STXBP5L: variants seen among roughly 807,000 people sequenced by gnomAD.
STXBP5L encodes the protein syntaxin binding protein 5L.
STXBP5L carries 65 observed loss-of-function variants against 144.5 expected under a neutral mutation model. That is an observed-to-expected ratio of 0.45 (90% CI 0.37 to 0.55). The LOEUF is 0.55. Ranked by LOEUF, STXBP5L falls within the 20% of genes least tolerant of loss-of-function variation. The pLI, the probability that STXBP5L is intolerant of heterozygous loss-of-function variation, is 0.00. For missense variants in STXBP5L, 1,298 were observed against 1,405.5 expected, an observed-to-expected ratio of 0.92 and a Z score of 1.22; for synonymous variants, 505 against 469.6, an observed-to-expected ratio of 1.08 and a Z score of -0.97.
intron 5 of STXBP5L, among the ~76,000 whole-genome samples, chr3:121,052,009 C>T (rs1378993580): frequency 6.6e-6 from 1 of 152,196 alleles, no homozygotes; most frequent in East Asian, 1.9e-4. Flanking sequence ...TGGACACATA[C>T]ACCCTCCCAA....
chr3:121,330,924 CCATCAGAG>C (rs2108557939), intron 20 of STXBP5L, among the ~76,000 whole-genome samples: 1 of 152,324 alleles, frequency 6.6e-6, no homozygotes, highest in South Asian at 2.1e-4. Context: ...CCTGTCACCA[CCATCAGAG>C]CTGGTGCTAA....
chr3:121,266,365 C>G (rs986179798), intron 18 of STXBP5L, among the ~76,000 whole-genome samples: 7 of 151,932 alleles, frequency 4.6e-5, no homozygotes, highest in African/African-American at 9.7e-5. Context: ...TAAACAGAAC[C>G]AATGACAACC....
At chr3:121,246,957 T>A (rs1229398064) in intron 14 of STXBP5L, among the ~76,000 whole-genome samples, 1 of 152,144 alleles carries the variant, frequency 6.6e-6, no homozygotes, top group Non-Finnish European at 1.5e-5. Flanking sequence ...TGCCATGAGG[T>A]AACTTTTTGG....
At chr3:121,205,776 A>G in intron 9 of STXBP5L, 147 bp from the exon 10 acceptor site, 1 of 390,990 alleles carries the variant, frequency 2.6e-6, no homozygotes, top group East Asian at 4.3e-5. Context: ...AAATATTGGG[A>G]TTCATAGATA....
intron 5 of STXBP5L, among the ~76,000 whole-genome samples, chr3:121,065,069 GAT>G (rs2041477055): frequency 8.9e-6 from 1 of 112,780 alleles, no homozygotes; most frequent in Admixed American, 1.0e-4. Flanking sequence ...CAAAGGTTGT[GAT>G]TTTTTTTTTT....
At chr3:121,029,206 G>C (rs967916820) in intron 3 of STXBP5L, among the ~76,000 whole-genome samples, 1 of 152,090 alleles carries the variant, frequency 6.6e-6, no homozygotes, top group East Asian at 1.9e-4. Context: ...AACCAAAAAA[G>C]AGCCCATATA....
chr3:121,338,419 G>A (rs925299717), intron 20 of STXBP5L, among the ~76,000 whole-genome samples: 1 of 151,784 alleles, frequency 6.6e-6, no homozygotes, highest in African/African-American at 2.4e-5. Context: ...TGAGGCGGGT[G>A]GATCACTTGA....
At chr3:120,996,036 C>A (rs60638537) in intron 3 of STXBP5L, among the ~76,000 whole-genome samples, 2,221 of 152,158 alleles carry the variant, frequency 0.015, 57 homozygotes, top group African/African-American at 0.051. Flanking sequence ...GTAGAATACA[C>A]AATTAGCAGT....
intron 10 of STXBP5L, among the ~76,000 whole-genome samples, chr3:121,222,265 A>G (rs2048997089): frequency 6.6e-6 from 1 of 152,116 alleles, no homozygotes. Flanking sequence ...CATAATTTTC[A>G]GATAGCTATA....
intron 2 of STXBP5L, among the ~76,000 whole-genome samples, chr3:120,929,122 T>C (rs1559880773): frequency 1.3e-5 from 2 of 152,178 alleles, no homozygotes; most frequent in Non-Finnish European, 2.9e-5. Flanking sequence ...CATATTTGGC[T>C]TTCTCTAGTC....
At chr3:121,361,777 C>G (rs950284311) in intron 20 of STXBP5L, among the ~76,000 whole-genome samples, 1 of 151,902 alleles carries the variant, frequency 6.6e-6, no homozygotes, top group East Asian at 1.9e-4. Context: ...ATCTCTCTTT[C>G]TCCAGGATTG....
At chr3:121,118,855 G>A (rs1406464846) in intron 6 of STXBP5L, among the ~76,000 whole-genome samples, 5 of 151,598 alleles carry the variant, frequency 3.3e-5, no homozygotes, top group Non-Finnish European at 7.4e-5. Flanking sequence ...GCAAGAGGTT[G>A]AGTAGGTTGA....
intron 22 of STXBP5L, among the ~76,000 whole-genome samples, chr3:121,382,466 T>C (rs2046343115): frequency 6.6e-6 from 1 of 152,126 alleles, no homozygotes; most frequent in African/African-American, 2.4e-5. Context: ...TTCCTAATTA[T>C]AAAGAAATAT....
At chr3:121,154,642 T>C (rs1023074193) in intron 8 of STXBP5L, among the ~76,000 whole-genome samples, 6 of 151,748 alleles carry the variant, frequency 4.0e-5, no homozygotes, top group Non-Finnish European at 8.9e-5. Context: ...TATTATCTCT[T>C]ATTTCAAATA....
chr3:121,388,671 T>C (rs2046492214), intron 22 of STXBP5L, among the ~76,000 whole-genome samples: 1 of 152,178 alleles, frequency 6.6e-6, no homozygotes, highest in African/African-American at 2.4e-5. Flanking sequence ...TTGTCATTGG[T>C]TCTGTTTATG....
intron 2 of STXBP5L, among the ~76,000 whole-genome samples, chr3:120,949,003 G>A (rs2107678132): frequency 6.6e-6 from 1 of 151,924 alleles, no homozygotes; most frequent in East Asian, 1.9e-4. Flanking sequence ...TATAGGAGTT[G>A]TACTAGTTTA....
chr3:121,342,567 A>G (rs2044758336), intron 20 of STXBP5L, among the ~76,000 whole-genome samples: 1 of 137,446 alleles, frequency 7.3e-6, no homozygotes, highest in Non-Finnish European at 1.5e-5. Context: ...CTCATTGTTC[A>G]ATTCCACCTA....
chr3:121,148,351 A>G (rs995023616), intron 7 of STXBP5L, among the ~76,000 whole-genome samples: 1 of 152,102 alleles, frequency 6.6e-6, no homozygotes, highest in African/African-American at 2.4e-5. Flanking sequence ...GAATCAGTCA[A>G]TGCAATTCAC....
At position 121,016,997 on chromosome 3, in the gene STXBP5L, C is replaced by T. The variant is rs1945190111; in HGVS notation, c.288-24703C>T. ...AAGACATTACCAGAAAGGAAAACTA[C>T]AGACCAATATGTCTCATGAACATAA... On this transcript the variant is annotated intron_variant, in intron 3 of 26. Transcript: ENST00000471454. 2.6e-5 allele frequency among the ~76,000 whole-genome samples: 4 copies of T among 152,138 alleles called. No individual in the cohort carries two copies. The South Asian group carries it at 8.3e-4, about 31-fold the overall frequency.
Sources: gnomAD v4.1 joint callset for allele counts (sites outside exome capture counted in the v4.1 genomes callset) on GRCh38, gnomAD v4.1.1 for gene constraint, MANE v1.5 for transcripts, NCBI Gene and HGNC (gene_info 2026-07-23, HGNC 2026-07-21) for gene names.